The following ESRRG variants were observed in gnomAD, a reference collection of about 807,000 sequenced individuals.
ESRRG encodes the protein estrogen related receptor gamma.
ESRRG carries 13 observed loss-of-function variants against 44.0 expected under a neutral mutation model. The observed-to-expected ratio is 0.30, with a 90% confidence interval of 0.19 to 0.47. ESRRG has a LOEUF of 0.47. Ranked by LOEUF, ESRRG falls within the 20% of genes least tolerant of loss-of-function variation. The pLI is 1.00. For missense variants in ESRRG, 395 were observed against 580.6 expected, an observed-to-expected ratio of 0.68 and a Z score of 3.29; for synonymous variants, 215 against 214.6, an observed-to-expected ratio of 1.00 and a Z score of -0.02.
chr1:216,827,970 T>A (rs987696068), intron 2 of ESRRG, among the ~76,000 whole-genome samples: 4 of 152,192 alleles, frequency 2.6e-5, no homozygotes, highest in African/African-American at 9.6e-5. Context: ...AGAAAAATTG[T>A]GAACTTCTGA....
chr1:216,616,776 C>A (rs1160013256), intron 3 of ESRRG, among the ~76,000 whole-genome samples: 1 of 152,186 alleles, frequency 6.6e-6, no homozygotes, highest in East Asian at 1.9e-4. Flanking sequence ...ACAGGAGATA[C>A]AGGGCAGGTT....
chr1:216,611,748 T>TAGAG (rs1395897388), intron 3 of ESRRG, among the ~76,000 whole-genome samples: 1 of 150,984 alleles, frequency 6.6e-6, no homozygotes, highest in East Asian at 1.9e-4. Flanking sequence ...TGTACTGTGC[T>TAGAG]AGAGGTATGT....
intron 2 of ESRRG, among the ~76,000 whole-genome samples, chr1:216,782,818 A>C (rs1408334687): frequency 1.3e-5 from 2 of 152,070 alleles, no homozygotes; most frequent in African/African-American, 2.4e-5. Context: ...TTTCCACCTT[A>C]AAAATAAATA....
At chr1:217,108,495 A>G (rs6656214) in intron 1 of ESRRG, among the ~76,000 whole-genome samples, 72,224 of 151,884 alleles carry the variant, frequency 0.48, 17,710 homozygotes, top group African/African-American at 0.59. Context: ...ATGTTGAATC[A>G]TAATCTCCAG....
chr1:216,511,325 G>A (rs1258990445), intron 6 of ESRRG, among the ~76,000 whole-genome samples: 2 of 151,900 alleles, frequency 1.3e-5, no homozygotes, highest in African/African-American at 2.4e-5. Context: ...GTGGTTCTTC[G>A]GGTAGCAATT....
intron 2 of ESRRG, among the ~76,000 whole-genome samples, chr1:216,852,018 A>G (rs2095850415): frequency 6.6e-6 from 1 of 152,360 alleles, no homozygotes; most frequent in African/African-American, 2.4e-5. Flanking sequence ...GAAAAGCAAT[A>G]TGAGAAAGAA....
intron 1 of ESRRG, among the ~76,000 whole-genome samples, chr1:217,040,682 C>T (rs1368324198): frequency 6.6e-6 from 1 of 152,046 alleles, no homozygotes; most frequent in Non-Finnish European, 1.5e-5. Context: ...ATCCTGTGAG[C>T]TTATTTGTTT....
intron 5 of ESRRG, among the ~76,000 whole-genome samples, chr1:216,527,643 T>C (rs1179140224): frequency 6.6e-6 from 1 of 152,162 alleles, no homozygotes; most frequent in Admixed American, 6.6e-5. Flanking sequence ...AGCACCGCCA[T>C]CCACCTGCCA....
At chr1:216,595,843 C>T (rs1330308224) in intron 3 of ESRRG, among the ~76,000 whole-genome samples, 1 of 152,116 alleles carries the variant, frequency 6.6e-6, no homozygotes, top group Non-Finnish European at 1.5e-5. Context: ...TTTTTTTCCA[C>T]ATAATTTTGG....
chr1:216,912,661 C>T (rs2060613465), intron 2 of ESRRG, among the ~76,000 whole-genome samples: 1 of 152,108 alleles, frequency 6.6e-6, no homozygotes, highest in African/African-American at 2.4e-5. Context: ...ACTACTGATA[C>T]AATAATACTT....
intron 1 of ESRRG, among the ~76,000 whole-genome samples, chr1:217,044,318 T>G (rs2084447874): frequency 6.6e-6 from 1 of 152,114 alleles, no homozygotes; most frequent in African/African-American, 2.4e-5. Context: ...CCTCCCTAAT[T>G]TTCTCAACCA....
At chr1:216,660,063 C>T (rs554911078) in intron 2 of ESRRG, among the ~76,000 whole-genome samples, 1 of 152,264 alleles carries the variant, frequency 6.6e-6, no homozygotes, top group East Asian at 1.9e-4. Flanking sequence ...TATTATTTGG[C>T]ATAAAATAAC....
In ESRRG at chr1:216,833,276, T is replaced by C. The variant is rs146641596; in HGVS notation, c.-14+106306A>G. ...GTTATAAAAGAATTATTCAACCACA[T>C]AGTGTTTTGAAAATGTGTAATTTAG... On this transcript the variant is annotated intron_variant, in intron 2 of 7. Coordinates refer to the ESRRG transcript ENST00000359162. Among the ~76,000 whole-genome samples, 24 of 152,240 alleles carry C rather than the reference T, an allele frequency of 1.6e-4. No individual in the cohort carries two copies. In the East Asian group the frequency reaches 2.5e-3, roughly 16 times the overall value.
At position 216,693,496 on chromosome 1, in the gene ESRRG, G is replaced by A. The variant is rs11572684; in HGVS notation, c.57-16005C>T. On this transcript the variant is annotated intron_variant, in intron 1 of 6. Coordinates refer to ENST00000408911, the MANE Select transcript of ESRRG (RefSeq NM_001438.4). ...ATGGGGGATTCATTCTAGGACCCCC[G>A]TCAGATACCAAAGTCTACAGATGCT... 6.5e-3 allele frequency among the ~76,000 whole-genome samples: 991 copies of A among 152,212 alleles called. 4 individuals are homozygous for A. Among genetic ancestry groups the A allele is most frequent in the Non-Finnish European group, 9.1e-3 (620 of 67,998 alleles).
At chr1:216,619,514 T>C (rs1574220723) in intron 3 of ESRRG, among the ~76,000 whole-genome samples, 1 of 152,204 alleles carries the variant, frequency 6.6e-6, no homozygotes, top group Non-Finnish European at 1.5e-5. Context: ...ACAATTCATA[T>C]GGCAGCCGTA....
intron 2 of ESRRG, among the ~76,000 whole-genome samples, chr1:216,754,539 G>A (rs1002115467): frequency 9.2e-5 from 14 of 151,790 alleles, no homozygotes; most frequent in African/African-American, 3.4e-4. Flanking sequence ...ATCTGCCTAG[G>A]AACTCTATAT....
At chr1:217,083,843 G>A (rs188121477) in intron 1 of ESRRG, among the ~76,000 whole-genome samples, 5 of 152,260 alleles carry the variant, frequency 3.3e-5, no homozygotes, top group African/African-American at 1.2e-4. Context: ...TATAGCCCAT[G>A]TTTACTATAG....
At chr1:216,713,767 GA>G (rs1276528716) in intron 1 of ESRRG, among the ~76,000 whole-genome samples, 1 of 152,008 alleles carries the variant, frequency 6.6e-6, no homozygotes, top group African/African-American at 2.4e-5. Flanking sequence ...TAACTTGAAT[GA>G]AAAAAGGCAC....
At chr1:216,572,774 G>A (rs1219059345) in intron 3 of ESRRG, among the ~76,000 whole-genome samples, 1 of 151,936 alleles carries the variant, frequency 6.6e-6, no homozygotes, top group Non-Finnish European at 1.5e-5. Flanking sequence ...AAGGTACATT[G>A]CAAAGGACAG....
Sources: gnomAD v4.1 joint callset for allele counts (sites outside exome capture counted in the v4.1 genomes callset) on GRCh38, gnomAD v4.1.1 for gene constraint, MANE v1.5 for transcripts, NCBI Gene and HGNC (gene_info 2026-07-23, HGNC 2026-07-21) for gene names.